DENND1A: variants seen among roughly 807,000 people sequenced by gnomAD.
DENND1A encodes the protein DENN domain containing 1A.
In DENND1A, 51 loss-of-function variants were observed where a neutral mutation model predicts 113.7. The ratio of observed to expected loss-of-function variants is 0.45; its 90% confidence interval spans 0.36 to 0.57. The LOEUF is 0.57. Ranked by LOEUF, DENND1A falls within the 20% of genes least tolerant of loss-of-function variation. The pLI is 0.00. For missense variants in DENND1A, 1,258 were observed against 1,395.9 expected (o/e 0.90, Z 1.57); for synonymous variants, 565 against 570.8 (o/e 0.99, Z 0.14).
chr9:123,420,867 A>G (rs920723891), intron 19 of DENND1A, among the ~76,000 whole-genome samples: 44 of 21,930 alleles, frequency 2.0e-3, no homozygotes, highest in Middle Eastern at 0.011. Flanking sequence ...CGGGGGAGGG[A>G]GGAGGGCCAG....
intron 3 of DENND1A, among the ~76,000 whole-genome samples, chr9:123,769,833 C>T (rs932064474): frequency 6.6e-6 from 1 of 152,070 alleles, no homozygotes; most frequent in Non-Finnish European, 1.5e-5. Flanking sequence ...GGGAGGGAGG[C>T]GGTTGGGTTG....
At chr9:123,833,202 G>T (rs1298760992) in intron 2 of DENND1A, among the ~76,000 whole-genome samples, 8 of 151,440 alleles carry the variant, frequency 5.3e-5, no homozygotes, top group African/African-American at 1.9e-4. Flanking sequence ...TGAGGGAATG[G>T]TGTTTGGAAA....
chr9:123,895,759 A>G (rs1261503585), intron 1 of DENND1A, among the ~76,000 whole-genome samples: 1 of 152,222 alleles, frequency 6.6e-6, no homozygotes, highest in East Asian at 1.9e-4. Context: ...TGCATGCTCC[A>G]TTCTCCCAAT....
At chr9:123,568,508 C>T (rs1344899284) in intron 12 of DENND1A, among the ~76,000 whole-genome samples, 1 of 152,204 alleles carries the variant, frequency 6.6e-6, no homozygotes, top group Non-Finnish European at 1.5e-5. Context: ...ATCATGGGTT[C>T]ACAATGAACA....
chr9:123,704,818 T>C (rs898125888), intron 5 of DENND1A, among the ~76,000 whole-genome samples: 5 of 152,054 alleles, frequency 3.3e-5, no homozygotes, highest in African/African-American at 1.2e-4. Flanking sequence ...ATGAAAAGAT[T>C]AGACACGAGT....
chr9:123,401,907 G>T (rs747668890), intron 21 of DENND1A: 1 of 1,614,184 alleles, frequency 6.2e-7, no homozygotes, highest in African/African-American at 1.3e-5. Flanking sequence ...TGTTGCAATG[G>T]TGTTTCTGTG....
intron 2 of DENND1A, among the ~76,000 whole-genome samples, chr9:123,827,105 T>G (rs1372352235): frequency 2.6e-5 from 4 of 152,072 alleles, no homozygotes; most frequent in African/African-American, 9.7e-5. Flanking sequence ...TCAACACAAC[T>G]CAACTAATTA....
chr9:123,524,606 C>G (rs1588976924), intron 13 of DENND1A, among the ~76,000 whole-genome samples: 2 of 152,232 alleles, frequency 1.3e-5, no homozygotes, highest in East Asian at 3.8e-4. Context: ...TTTGCTGAAT[C>G]TGGCCTGCAG....
intron 11 of DENND1A, among the ~76,000 whole-genome samples, chr9:123,595,038 T>A (rs530269450): frequency 3.9e-5 from 6 of 152,330 alleles, no homozygotes; most frequent in African/African-American, 1.4e-4. Context: ...AAGCAGTTGA[T>A]GAACGCAGTG....
At chr9:123,571,838 T>C (rs2058372966) in intron 12 of DENND1A, among the ~76,000 whole-genome samples, 1 of 152,198 alleles carries the variant, frequency 6.6e-6, no homozygotes, top group Non-Finnish European at 1.5e-5. Context: ...TTGGGTTGTA[T>C]GGTAGGCGTA....
intron 11 of DENND1A, among the ~76,000 whole-genome samples, chr9:123,586,237 CT>C (rs1275981825): frequency 6.6e-6 from 1 of 152,038 alleles, no homozygotes; most frequent in African/African-American, 2.4e-5. Flanking sequence ...GGAGAGAAGC[CT>C]CCAGGGCTGA....
chr9:123,444,968 C>A (rs1452293168), intron 18 of DENND1A, among the ~76,000 whole-genome samples: 2 of 152,222 alleles, frequency 1.3e-5, no homozygotes, highest in African/African-American at 4.8e-5. Flanking sequence ...CTTCCTGGAG[C>A]CCCGAGGCTC....
chr9:123,845,670 C>CAAAAAAAAAAAAAAAAAAAAAA (rs555731367), intron 2 of DENND1A, among the ~76,000 whole-genome samples: 3 of 44,094 alleles, frequency 6.8e-5, no homozygotes, highest in African/African-American at 1.5e-4. Context: ...AACCTGTCTC[C>CAAAAAAAAAAAAAAAAAAAAAA]AAAAAAAAAA....
chr9:123,553,701 T>C (rs2057259943), intron 13 of DENND1A, among the ~76,000 whole-genome samples: 1 of 152,228 alleles, frequency 6.6e-6, no homozygotes, highest in African/African-American at 2.4e-5. Context: ...GCCACCACTG[T>C]ATCTCACCTT....
intron 5 of DENND1A, among the ~76,000 whole-genome samples, chr9:123,691,097 A>G (rs1187164315): frequency 6.6e-6 from 1 of 152,192 alleles, no homozygotes; most frequent in African/African-American, 2.4e-5. Flanking sequence ...GAGGGAATAA[A>G]TGGGGGGGTC....
intron 10 of DENND1A, among the ~76,000 whole-genome samples, chr9:123,624,030 G>C (rs957667266): frequency 2.0e-5 from 3 of 152,234 alleles, no homozygotes; most frequent in African/African-American, 4.8e-5. Context: ...TTACACTTGT[G>C]AAGTCTATTA....
At chr9:123,563,739 C>G (rs935624372) in intron 12 of DENND1A, among the ~76,000 whole-genome samples, 1 of 152,108 alleles carries the variant, frequency 6.6e-6, no homozygotes, top group Admixed American at 6.5e-5. Context: ...TGGCTCCCTA[C>G]TGTGAATATA....
chr9:123,701,617 A>G (rs2065889414), intron 5 of DENND1A, among the ~76,000 whole-genome samples: 4 of 152,188 alleles, frequency 2.6e-5, no homozygotes, highest in Admixed American at 2.6e-4. Context: ...GGCCTGCATC[A>G]CTGCCAGCTG....
rs1359277211 is a variant in DENND1A at position 123,381,773 on chromosome 9, C to T, written c.2872G>A (p.Gly958Ser). ...GTGTGGGTGCCCATGGGCATCTGGC[C>T]AAAGAGGTTGGGCATGGAGAGGGCG... ...LSALSMPNLF[G>S]QMPMGTHTSP... The change falls in exon 24 of 24, where the codon GGC (glycine) becomes AGC (serine). Residue 958 changes from glycine (G) to serine (S), a missense_variant. By Grantham distance (56) the Gly-to-Ser change is moderately conservative. Transcript: ENST00000394215. The surrounding 1 kb of genome is among the most constrained non-coding windows in gnomAD (Gnocchi z 4.7). 1.3e-6 allele frequency: 2 copies of T among 1,513,530 alleles called. No individual in the cohort carries two copies. The highest frequency in any genetic ancestry group is 1.8e-6 in the Non-Finnish European group (2 of 1,131,162). The allele number at this position is 1,513,530 out of a possible 1,614,324, so 93.8% of individuals were successfully genotyped here. A position where few individuals can be genotyped will look rare whatever the true frequency, so the allele number is the denominator to read the frequency against.
Sources: allele counts gnomAD v4.1 joint callset (sites outside exome capture counted in the v4.1 genomes callset), GRCh38; gene constraint gnomAD v4.1.1; non-coding constraint Gnocchi (gnomAD v3.1); transcripts MANE v1.5; gene names NCBI Gene and HGNC (gene_info 2026-07-23, HGNC 2026-07-21).